The following CCSER1 variants were observed in gnomAD, a reference collection of about 807,000 sequenced individuals.
The protein encoded by CCSER1 is serine-rich coiled-coil domain-containing protein 1.
A neutral mutation model predicts 82.0 loss-of-function variants in CCSER1; 41 were observed. The observed-to-expected ratio is 0.50, with a 90% CI of 0.39 to 0.65. The LOEUF is 0.65. Ranked by LOEUF, CCSER1 falls within the 30% of genes least tolerant of loss-of-function variation. CCSER1 has a pLI of 0.00. For synonymous variants in CCSER1, 414 were observed against 383.9 expected, an observed-to-expected ratio of 1.08 and a Z score of -0.92; for missense variants, 1,119 against 1,064.2, an observed-to-expected ratio of 1.05 and a Z score of -0.72.
chr4:91,430,382 C>A (rs1465958852), intron 10 of CCSER1, among the ~76,000 whole-genome samples: 1 of 152,178 alleles, frequency 6.6e-6, no homozygotes, highest in Non-Finnish European at 1.5e-5. Context: ...TACTTTACTA[C>A]AGACTATGTG....
intron 3 of CCSER1, among the ~76,000 whole-genome samples, chr4:90,383,561 A>G (rs1210465453): frequency 6.6e-6 from 1 of 152,196 alleles, no homozygotes; most frequent in East Asian, 1.9e-4. Flanking sequence ...AATGGCTCTT[A>G]GTATTTGAGA....
chr4:90,943,189 G>T (rs1464387773), intron 9 of CCSER1, among the ~76,000 whole-genome samples: 1 of 152,004 alleles, frequency 6.6e-6, no homozygotes, highest in African/African-American at 2.4e-5. Flanking sequence ...TTTCACTAAA[G>T]ATAACAACAG....
intron 9 of CCSER1, among the ~76,000 whole-genome samples, chr4:90,958,072 G>A (rs1025671472): frequency 6.6e-6 from 1 of 152,194 alleles, no homozygotes; most frequent in African/African-American, 2.4e-5. Flanking sequence ...TCTATTAGAT[G>A]TGTGTGGAAT....
chr4:91,321,611 T>C (rs1188079032), intron 10 of CCSER1, among the ~76,000 whole-genome samples: 1 of 152,126 alleles, frequency 6.6e-6, no homozygotes, highest in Admixed American at 6.6e-5. Flanking sequence ...AAAAACTCTC[T>C]TTTTATTAGG....
At chr4:90,167,581 G>A (rs191864052) in intron 1 of CCSER1, among the ~76,000 whole-genome samples, 27 of 152,116 alleles carry the variant, frequency 1.8e-4, no homozygotes, top group Non-Finnish European at 2.2e-4. Context: ...CCAGTAACTC[G>A]TCATTTAACA....
chr4:91,248,271 ATCCCTCAAGGAGATACAACATAATCCC>A (rs1739970989), intron 10 of CCSER1, among the ~76,000 whole-genome samples: 3 of 152,260 alleles, frequency 2.0e-5, no homozygotes, highest in Admixed American at 2.0e-4. Context: ...TTAGGTATTT[ATCCCTCAAGGAGATACAACATAATCCC>A]TACACCTTAG....
rs534719060 is a variant in CCSER1, at chr4:91,362,497, C to T, written c.2218-236075C>T. Among the ~76,000 whole-genome samples, 47 of 151,856 alleles carry T rather than the reference C, an allele frequency of 3.1e-4. 1 individual carries two copies. The South Asian group carries it at 9.8e-3, about 32-fold the overall frequency. On this transcript the variant is annotated intron_variant, in intron 10 of 10. Coordinates refer to ENST00000509176, the MANE Select transcript of CCSER1 (RefSeq NM_001145065.2). ...AGTTTATATATGTATAAGAAAGAAA[C>T]ATATTTTATTTAAAGTCCAAAATAT...
intron 10 of CCSER1, among the ~76,000 whole-genome samples, chr4:91,462,259 A>G (rs950100287): frequency 2.6e-5 from 4 of 152,304 alleles, no homozygotes; most frequent in East Asian, 3.9e-4. Flanking sequence ...ATCCCTTTTT[A>G]TTCATATTTT....
intron 10 of CCSER1, among the ~76,000 whole-genome samples, chr4:91,548,177 G>T (rs146232343): frequency 3.3e-5 from 5 of 152,008 alleles, no homozygotes; most frequent in Non-Finnish European, 5.9e-5. Flanking sequence ...TACTGGTTGC[G>T]CTAAAGTTTG....
intron 5 of CCSER1, among the ~76,000 whole-genome samples, chr4:90,590,647 A>G (rs1782577680): frequency 6.6e-6 from 1 of 151,580 alleles, no homozygotes; most frequent in African/African-American, 2.4e-5. Context: ...GTTCTGTTCC[A>G]TAAGCCTATA....
intron 6 of CCSER1, among the ~76,000 whole-genome samples, chr4:90,704,806 G>A (rs1181392321): frequency 6.6e-6 from 1 of 152,078 alleles, no homozygotes; most frequent in African/African-American, 2.4e-5. Flanking sequence ...AGTTCTCATG[G>A]CATGGTTTTC....
chr4:90,897,319 A>G (rs1371794923), intron 8 of CCSER1, among the ~76,000 whole-genome samples: 1 of 151,826 alleles, frequency 6.6e-6, no homozygotes, highest in Non-Finnish European at 1.5e-5. Flanking sequence ...CCCAATGTCT[A>G]TTATTTCCAT....
chr4:90,742,997 G>C (rs578257670), intron 7 of CCSER1, among the ~76,000 whole-genome samples: 26 of 152,128 alleles, frequency 1.7e-4, no homozygotes, highest in Middle Eastern at 6.8e-3. Context: ...CCACACATAA[G>C]TAATTTGGCA....
chr4:91,178,643 A>G lies in CCSER1; in HGVS notation c.2217+92649A>G, dbSNP rs560479340. Among the ~76,000 whole-genome samples the G allele has an allele frequency of 2.0e-5, 3 of 150,568 alleles. No individual in the cohort carries two copies. The East Asian group carries it at 5.9e-4, about 29-fold the overall frequency. The stretch of plus-strand genomic sequence containing the variant: ...AGGATTGCAAACCCTACCTTTTTTT[A>G]TTTTCCATTTGCTTGGTTGATCTTC... On this transcript the variant is annotated intron_variant, in intron 10 of 10. Coordinates refer to ENST00000509176, the MANE Select transcript of CCSER1 (RefSeq NM_001145065.2).
chr4:90,817,323 G>A (rs74511291), intron 8 of CCSER1, among the ~76,000 whole-genome samples: 3,513 of 152,014 alleles, frequency 0.023, 58 homozygotes, highest in Non-Finnish European at 0.034. Context: ...TCAGAAAAGA[G>A]TATTCTTTTT....
At chr4:90,703,668 T>G (rs1028370292) in intron 6 of CCSER1, among the ~76,000 whole-genome samples, 2 of 152,096 alleles carry the variant, frequency 1.3e-5, no homozygotes, top group African/African-American at 4.8e-5. Flanking sequence ...TGTATTGGGT[T>G]CATATGTATT....
chr4:90,591,622 G>A (rs1259385807), intron 5 of CCSER1, among the ~76,000 whole-genome samples: 1 of 152,184 alleles, frequency 6.6e-6, no homozygotes, highest in African/African-American at 2.4e-5. Context: ...GGAAGATGGT[G>A]TAGCGATTCC....
chr4:91,372,492 C>A, intron 10 of CCSER1, among the ~76,000 whole-genome samples: 1 of 151,812 alleles, frequency 6.6e-6, no homozygotes. Flanking sequence ...TCTTCATATA[C>A]CCTATTACCT....
rs548122666 is a variant in CCSER1 at position 90,408,500 on chromosome 4, A to G, written c.1603+8371A>G. Among the ~76,000 whole-genome samples, 31 of 152,250 alleles carry G rather than the reference A, an allele frequency of 2.0e-4. No homozygotes were observed. In the South Asian group the frequency reaches 4.1e-3, roughly 20 times the overall value. On this transcript the variant is annotated intron_variant, in intron 4 of 10. Transcript: ENST00000509176. Reference sequence around the variant, plus strand: ...CAATATCCACTGTTCTGCAGCCACCACTGCTGATACCGAGGCAAACAGGGT... The same window carrying G: ...CAATATCCACTGTTCTGCAGCCACCGCTGCTGATACCGAGGCAAACAGGGT...
Sources: allele counts gnomAD v4.1 joint callset (sites outside exome capture counted in the v4.1 genomes callset), GRCh38; gene constraint gnomAD v4.1.1; transcripts MANE v1.5; gene names NCBI Gene and HGNC (gene_info 2026-07-23, HGNC 2026-07-21).